The following RARB variants were observed in gnomAD, a reference collection of about 807,000 sequenced individuals.
RARB encodes HBV-activated protein.
In RARB, 17 loss-of-function variants were observed where a neutral mutation model predicts 51.9. The observed-to-expected ratio is 0.33, with a 90% CI of 0.22 to 0.49. The LOEUF is 0.49. RARB is among the 20% of genes least tolerant of loss of function. The probability of loss-of-function intolerance (pLI) is 0.99; values close to 1 mark genes in which losing one functional copy is unlikely to be tolerated. For synonymous variants in RARB, 215 were observed against 195.4 expected (o/e 1.10, Z -0.84); for missense variants, 369 against 550.8 (o/e 0.67, Z 3.30).
rs541342340 is a variant in RARB at position 25,532,107 on chromosome 3, G to A, written c.448+30784G>A. Among the ~76,000 whole-genome samples, 27 of 152,266 alleles carry A rather than the reference G, an allele frequency of 1.8e-4. No homozygotes were observed. The South Asian group carries it at 4.8e-3, about 27-fold the overall frequency. On this transcript the variant is annotated intron_variant, in intron 3 of 7. Coordinates refer to ENST00000330688, the MANE Select transcript of RARB (RefSeq NM_000965.5). ...TATTTTGTGTCAATTTGCCTAAAAT[G>A]TGTAATGTTGTGGCATTCCACTGAG...
chr3:25,586,088 A>G (rs1179374365), intron 5 of RARB, among the ~76,000 whole-genome samples: 1 of 152,078 alleles, frequency 6.6e-6, no homozygotes, highest in African/African-American at 2.4e-5. Flanking sequence ...TCTCTCTGCT[A>G]TATCACCTCG....
intron 4 of RARB, among the ~76,000 whole-genome samples, chr3:25,162,804 CT>C (rs1700493691): frequency 6.6e-6 from 1 of 152,176 alleles, no homozygotes; most frequent in Admixed American, 6.5e-5. Flanking sequence ...AGATGGACCA[CT>C]TTTGTTTATT....
At chr3:24,841,074 A>T (rs927475586) in intron 1 of RARB, among the ~76,000 whole-genome samples, 3 of 152,230 alleles carry the variant, frequency 2.0e-5, no homozygotes, top group African/African-American at 7.2e-5. Context: ...TATCATTAAA[A>T]TATTTTTTGG....
intron 2 of RARB, among the ~76,000 whole-genome samples, chr3:25,056,892 C>T (rs1242216429): frequency 3.3e-5 from 5 of 152,056 alleles, no homozygotes; most frequent in Non-Finnish European, 5.9e-5. Flanking sequence ...TGACGAGTGA[C>T]TCGCTAAAGT....
chr3:24,898,421 T>G (rs1703526022), intron 2 of RARB, among the ~76,000 whole-genome samples: 1 of 151,626 alleles, frequency 6.6e-6, no homozygotes. Flanking sequence ...GTGTTAGCAT[T>G]GAAATTATCA....
intron 3 of RARB, among the ~76,000 whole-genome samples, chr3:25,521,537 G>C (rs1698400432): frequency 6.6e-6 from 1 of 152,172 alleles, no homozygotes; most frequent in Admixed American, 6.5e-5. Context: ...TGGTTCTGCT[G>C]GCCTGTAATT....
At chr3:25,359,901 G>A (rs1705874357) in intron 5 of RARB, among the ~76,000 whole-genome samples, 1 of 152,100 alleles carries the variant, frequency 6.6e-6, no homozygotes, top group African/African-American at 2.4e-5. Flanking sequence ...CCAATTATGT[G>A]GTTGATTTTA....
At chr3:25,242,346 T>G (rs1016392397) in intron 5 of RARB, among the ~76,000 whole-genome samples, 2 of 152,220 alleles carry the variant, frequency 1.3e-5, no homozygotes, top group African/African-American at 4.8e-5. Flanking sequence ...TTTGTTGACA[T>G]TGCTTTTGGT....
chr3:25,572,476 C>T (rs867963632), intron 4 of RARB, among the ~76,000 whole-genome samples: 2 of 152,102 alleles, frequency 1.3e-5, no homozygotes, highest in African/African-American at 4.8e-5. Flanking sequence ...ATAACTTTCC[C>T]CTTGTCTCTT....
chr3:25,281,647 G>A (rs1183334277), intron 5 of RARB, among the ~76,000 whole-genome samples: 1 of 152,204 alleles, frequency 6.6e-6, no homozygotes, highest in Non-Finnish European at 1.5e-5. Flanking sequence ...AGAAGCTATT[G>A]TAGGCGTTGG....
chr3:25,500,112 T>A (rs756523155), intron 2 of RARB, among the ~76,000 whole-genome samples: 9 of 152,204 alleles, frequency 5.9e-5, no homozygotes, highest in Non-Finnish European at 1.3e-4. Flanking sequence ...ATTTTGTATA[T>A]GTGGTGTTTA....
At chr3:25,262,801 G>A (rs80038213) in intron 5 of RARB, among the ~76,000 whole-genome samples, 356 of 152,230 alleles carry the variant, frequency 2.3e-3, no homozygotes, top group African/African-American at 8.2e-3. Context: ...TAGGAGGTAG[G>A]ACTTGGACAT....
intron 2 of RARB, among the ~76,000 whole-genome samples, chr3:25,009,228 A>T (rs1697342517): frequency 1.3e-5 from 2 of 152,156 alleles, no homozygotes; most frequent in Admixed American, 6.6e-5. Context: ...GAGAGAGGCC[A>T]TGGGTGTGAG....
chr3:25,173,560 A>G (rs1700683116), intron 4 of RARB, among the ~76,000 whole-genome samples: 1 of 152,214 alleles, frequency 6.6e-6, no homozygotes, highest in Non-Finnish European at 1.5e-5. Context: ...TGTCACTCCA[A>G]ATAGCCACCG....
At chr3:25,236,940 A>G (rs1702314998) in intron 5 of RARB, among the ~76,000 whole-genome samples, 1 of 151,560 alleles carries the variant, frequency 6.6e-6, no homozygotes, top group South Asian at 2.1e-4. Context: ...CATTATTCTG[A>G]TAATTCTGTT....
chr3:25,041,534 TG>T (rs1178641754), intron 2 of RARB, among the ~76,000 whole-genome samples: 1 of 148,390 alleles, frequency 6.7e-6, no homozygotes, highest in Non-Finnish European at 1.5e-5. Context: ...GGAGGACATT[TG>T]GGAAAAAAAA....
chr3:25,083,975 G>T (rs2125314092), intron 3 of RARB, among the ~76,000 whole-genome samples: 1 of 152,198 alleles, frequency 6.6e-6, no homozygotes, highest in Middle Eastern at 3.4e-3. Context: ...CCAGTACTGT[G>T]TGGCTTTTGG....
chr3:25,398,224 G>A (rs1286933676), intron 5 of RARB, among the ~76,000 whole-genome samples: 1 of 152,062 alleles, frequency 6.6e-6, no homozygotes, highest in Non-Finnish European at 1.5e-5. Context: ...TAAAAAAAAT[G>A]AGACAGGCTC....
chr3:25,147,519 T>A (rs1281793828), intron 4 of RARB, among the ~76,000 whole-genome samples: 1 of 152,208 alleles, frequency 6.6e-6, no homozygotes, highest in Non-Finnish European at 1.5e-5. Context: ...GTGTTATATC[T>A]CATTTTCAAA....
Sources: gnomAD v4.1 joint callset for allele counts (sites outside exome capture counted in the v4.1 genomes callset) on GRCh38, gnomAD v4.1.1 for gene constraint, MANE v1.5 for transcripts, NCBI Gene and HGNC (gene_info 2026-07-23, HGNC 2026-07-21) for gene names.